Variants in GPC5 observed in about 807,000 individuals in gnomAD.
The protein encoded by GPC5 is glypican 5, also known as glypican-5.
GPC5 carries 47 observed loss-of-function variants against 53.9 expected under a neutral mutation model. That is an observed-to-expected ratio of 0.87 (90% CI 0.69 to 1.11). GPC5 has a LOEUF of 1.11. Among genes scored for constraint, GPC5 ranks in the 50% most tolerant of loss-of-function variants. The pLI is 0.00. For missense variants in GPC5, 748 were observed against 713.1 expected (o/e 1.05, Z -0.56); for synonymous variants, 286 against 263.3 (o/e 1.09, Z -0.84).
chr13:92,107,718 A>T (rs1443960571), intron 6 of GPC5, among the ~76,000 whole-genome samples: 1 of 152,196 alleles, frequency 6.6e-6, no homozygotes, highest in African/African-American at 2.4e-5. Context: ...TACCCCATAT[A>T]TGTGAGCATT....
chr13:92,407,266 A>C (rs1257636270), intron 7 of GPC5, among the ~76,000 whole-genome samples: 2 of 152,120 alleles, frequency 1.3e-5, no homozygotes, highest in African/African-American at 2.4e-5. Flanking sequence ...AGGAAGAATT[A>C]TCATAAGACT....
intron 7 of GPC5, among the ~76,000 whole-genome samples, chr13:92,704,446 TATCTCTA>T (rs1231562690): frequency 1.3e-5 from 2 of 152,024 alleles, no homozygotes; most frequent in African/African-American, 4.8e-5. Flanking sequence ...AAAGCCTATT[TATCTCTA>T]GGCTTTTAGC....
chr13:92,810,887 A>C (rs1566428428), intron 7 of GPC5, among the ~76,000 whole-genome samples: 1 of 151,624 alleles, frequency 6.6e-6, no homozygotes, highest in Non-Finnish European at 1.5e-5. Flanking sequence ...CAACCAGCTA[A>C]TTTTTTGTAT....
chr13:91,969,009 A>G (rs941312359), intron 6 of GPC5, among the ~76,000 whole-genome samples: 6 of 151,272 alleles, frequency 4.0e-5, no homozygotes, highest in African/African-American at 1.5e-4. Context: ...CACTCTGTCA[A>G]CCAGGCTGGA....
intron 7 of GPC5, among the ~76,000 whole-genome samples, chr13:92,323,479 AAG>A (rs2043229626): frequency 6.6e-6 from 1 of 151,614 alleles, no homozygotes; most frequent in Non-Finnish European, 1.5e-5. Flanking sequence ...AAATATTTAA[AAG>A]AGCTGGCATG....
chr13:92,077,980 G>T (rs574522596), intron 6 of GPC5, among the ~76,000 whole-genome samples: 109 of 119,184 alleles, frequency 9.1e-4, no homozygotes, highest in African/African-American at 2.8e-3. Context: ...CAGATAGATA[G>T]ATATACATAC....
chr13:91,970,782 A>G (rs2040234356), intron 6 of GPC5, among the ~76,000 whole-genome samples: 1 of 152,140 alleles, frequency 6.6e-6, no homozygotes, highest in Non-Finnish European at 1.5e-5. Flanking sequence ...TGATTTGTGA[A>G]TGTTGAACCA....
intron 1 of GPC5, among the ~76,000 whole-genome samples, chr13:91,403,437 G>T: frequency 6.6e-6 from 1 of 151,966 alleles, no homozygotes; most frequent in African/African-American, 2.4e-5. Flanking sequence ...GGCTATTTTG[G>T]TAACTTTTAT....
chr13:91,712,426 T>C lies in GPC5; in HGVS notation c.1021-16106T>C, dbSNP rs535292495. Among the ~76,000 whole-genome samples the C allele has an allele frequency of 2.6e-5, 4 of 152,152 alleles. No individual in the cohort carries two copies. In the South Asian group the frequency reaches 8.3e-4, roughly 32 times the overall value. ...TGTATATATATATAATTTGAATATA[T>C]TGGTGTTTCTCACTAACTTGGGTGA... On this transcript the variant is annotated intron_variant, in intron 3 of 7. Coordinates refer to ENST00000377067, the MANE Select transcript of GPC5 (RefSeq NM_004466.6).
chr13:92,681,778 C>T (rs1160221326), intron 7 of GPC5, among the ~76,000 whole-genome samples: 1 of 152,160 alleles, frequency 6.6e-6, no homozygotes, highest in African/African-American at 2.4e-5. Context: ...CTTAACTTTG[C>T]TCACAATGTT....
Position 92,290,402 on chromosome 13 carries a change from G to A in GPC5, c.1561+145413G>A, listed in dbSNP as rs141233023. On this transcript the variant is annotated intron_variant, in intron 7 of 7. Coordinates refer to ENST00000377067, the MANE Select transcript of GPC5 (RefSeq NM_004466.6). Reference sequence around the variant, plus strand: ...TTTGGTTACATCAGTAAGTTCTTTAGTGGTGATTTTTGAGATTTTGGCGCA... The same window carrying A: ...TTTGGTTACATCAGTAAGTTCTTTAATGGTGATTTTTGAGATTTTGGCGCA... Among the ~76,000 whole-genome samples the A allele has an allele frequency of 5.6e-3, 850 of 152,216 alleles. 13 individuals are homozygous for A. The highest frequency in any genetic ancestry group is 0.02 in the African/African-American group (816 of 41,532).
intron 5 of GPC5, among the ~76,000 whole-genome samples, chr13:91,851,478 A>G (rs2067047825): frequency 6.6e-6 from 1 of 151,390 alleles, no homozygotes; most frequent in African/African-American, 2.4e-5. Flanking sequence ...CTTAGGCTAC[A>G]ATAAATTTAG....
intron 2 of GPC5, among the ~76,000 whole-genome samples, chr13:91,463,822 A>T (rs550335789): frequency 6.6e-6 from 1 of 152,252 alleles, no homozygotes; most frequent in East Asian, 1.9e-4. Context: ...TAGAAAAGAA[A>T]ATTGAAGAAT....
At chr13:92,447,195 A>G (rs950342803) in intron 7 of GPC5, 22 of 152,172 alleles carry the variant, frequency 1.4e-4, no homozygotes, top group African/African-American at 4.8e-4. Context: ...GTATTATTCA[A>G]GAAATCTTTG....
chr13:92,012,987 G>C (rs1226321191), intron 6 of GPC5, among the ~76,000 whole-genome samples: 1 of 152,194 alleles, frequency 6.6e-6, no homozygotes, highest in African/African-American at 2.4e-5. Flanking sequence ...ACCCAGACCA[G>C]GTTGTGGGGG....
At chr13:92,790,346 G>A (rs1170688659) in intron 7 of GPC5, among the ~76,000 whole-genome samples, 3 of 152,160 alleles carry the variant, frequency 2.0e-5, no homozygotes, top group African/African-American at 7.2e-5. Context: ...TAATTTTGAA[G>A]AAAAATGTGC....
chr13:91,426,742 C>T (rs907028904), intron 1 of GPC5, among the ~76,000 whole-genome samples: 2 of 152,196 alleles, frequency 1.3e-5, no homozygotes, highest in Non-Finnish European at 2.9e-5. Flanking sequence ...TTATCCTAGC[C>T]ATGCTGGCAG....
At chr13:92,248,977 G>A (rs1183262809) in intron 7 of GPC5, among the ~76,000 whole-genome samples, 2 of 151,536 alleles carry the variant, frequency 1.3e-5, no homozygotes, top group Admixed American at 1.3e-4. Flanking sequence ...TTATTTTATT[G>A]CTGCAAATAT....
chr13:92,411,196 G>A lies in GPC5; in HGVS notation c.1561+266207G>A, dbSNP rs563623435. ...GAGGCAAGAGAATCACTTGAGCCTGGGAGGCAGAGGTTGCAGTGAGCCGAG... is the reference window on the plus strand; with the variant it reads ...GAGGCAAGAGAATCACTTGAGCCTGAGAGGCAGAGGTTGCAGTGAGCCGAG... On this transcript the variant is annotated intron_variant, in intron 7 of 7. Transcript: ENST00000377067. Among the ~76,000 whole-genome samples the A allele has an allele frequency of 3.9e-5, 6 of 152,258 alleles. 1 individual carries two copies. The highest frequency in any genetic ancestry group is 1.4e-4 in the African/African-American group (6 of 41,548).
Sources: allele counts gnomAD v4.1 joint callset (sites outside exome capture counted in the v4.1 genomes callset), GRCh38; gene constraint gnomAD v4.1.1; transcripts MANE v1.5; gene names NCBI Gene and HGNC (gene_info 2026-07-23, HGNC 2026-07-21).